Variants in PCDH15 observed in about 807,000 individuals in gnomAD.
PCDH15 encodes the protein protocadherin-15.
PCDH15 carries 129 observed loss-of-function variants against 178.5 expected under a neutral mutation model. That is an observed-to-expected ratio of 0.72 (90% CI 0.63 to 0.84). The LOEUF (loss-of-function observed/expected upper bound fraction) is 0.84, where lower values mean the gene tolerates loss of function less well. Among genes scored for constraint, PCDH15 ranks in the 40% least tolerant of loss-of-function variants. PCDH15 has a pLI of 0.00. For missense variants in PCDH15, 2,230 were observed against 2,099.9 expected, an observed-to-expected ratio of 1.06 and a Z score of -1.21; for synonymous variants, 800 against 732.0, an observed-to-expected ratio of 1.09 and a Z score of -1.50.
chr10:54,895,909 T>A (rs184559799), intron 3 of PCDH15, among the ~76,000 whole-genome samples: 2 of 151,940 alleles, frequency 1.3e-5, no homozygotes, highest in Non-Finnish European at 2.9e-5. Flanking sequence ...TTTTTTGAGA[T>A]GGAGTCTCAC....
intron 2 of PCDH15, among the ~76,000 whole-genome samples, chr10:54,917,165 T>A (rs184570277): frequency 2.3e-4 from 35 of 152,318 alleles, no homozygotes; most frequent in African/African-American, 8.2e-4. Context: ...AGAACATATG[T>A]ATTGTATAAT....
Position 55,064,922 on chromosome 10 carries a change from T to C in PCDH15, c.-80+101654A>G, listed in dbSNP as rs923909510. Among the ~76,000 whole-genome samples, 13 of 152,074 alleles carry C rather than the reference T, an allele frequency of 8.5e-5. No individual in the cohort carries two copies. In the East Asian group the frequency reaches 1.2e-3, roughly 14 times the overall value. ...ACTTTTTAACAGGCTCCCAAATCAT[T>C]ATCACAATAAATAGAATATTTTAAA... On this transcript the variant is annotated intron_variant, in intron 2 of 5. Transcript: ENST00000458638.
Position 54,486,073 on chromosome 10 carries a change from G to A in PCDH15, c.157+41739C>T, listed in dbSNP as rs529970408. On this transcript the variant is annotated intron_variant, in intron 3 of 37. Transcript: ENST00000644397. Reference sequence around the variant, plus strand: ...TTCCATGAGCAGTCAGACTAACCAGGTGTTAGTAATTTGAATCTAAGCAAT... The same window carrying A: ...TTCCATGAGCAGTCAGACTAACCAGATGTTAGTAATTTGAATCTAAGCAAT... Among the ~76,000 whole-genome samples, 5 of 152,110 alleles carry A rather than the reference G, an allele frequency of 3.3e-5. No homozygotes were observed. In the South Asian group the frequency reaches 1.0e-3, roughly 32 times the overall value.
chr10:54,708,590 T>C (rs1474502549), intron 1 of PCDH15, among the ~76,000 whole-genome samples: 1 of 152,230 alleles, frequency 6.6e-6, no homozygotes, highest in South Asian at 2.1e-4. Flanking sequence ...ATGGTTTTAC[T>C]GTTTCTCTTT....
intron 15 of PCDH15, among the ~76,000 whole-genome samples, chr10:54,110,013 C>G (rs1352787563): frequency 2.6e-5 from 4 of 151,876 alleles, no homozygotes; most frequent in African/African-American, 7.3e-5. Context: ...AATACAAGTA[C>G]AAGTGGAATG....
rs71014445 is a variant in PCDH15 at position 55,068,769 on chromosome 10, TTG to T, written c.-80+97805_-80+97806del. ...GTATTCTCTTCACTTTCTTTCATCA[TTG>T]TGTGTGTGTGTGTGCGTGCACGTGT... On this transcript the variant is annotated intron_variant, in intron 2 of 5. Transcript: ENST00000458638. Among the ~76,000 whole-genome samples, 19 of 150,818 alleles carry T rather than the reference TTG, an allele frequency of 1.3e-4. 1 individual carries two copies. In the East Asian group the frequency reaches 1.6e-3, roughly 12 times the overall value.
chr10:53,871,995 A>G (rs894850441), intron 26 of PCDH15, among the ~76,000 whole-genome samples: 3 of 152,296 alleles, frequency 2.0e-5, no homozygotes, highest in African/African-American at 7.2e-5. Flanking sequence ...AAAATATAAA[A>G]TTAGCCAGGC....
intron 3 of PCDH15, among the ~76,000 whole-genome samples, chr10:54,853,708 T>A (rs1591743725): frequency 6.6e-6 from 1 of 151,844 alleles, no homozygotes; most frequent in Non-Finnish European, 1.5e-5. Flanking sequence ...AATAGACAGG[T>A]TTTCTAGAAA....
At chr10:55,526,566 A>C (rs1841305537) in intron 2 of PCDH15, among the ~76,000 whole-genome samples, 1 of 151,946 alleles carries the variant, frequency 6.6e-6, no homozygotes, top group Non-Finnish European at 1.5e-5. Flanking sequence ...ATACAAAATC[A>C]CTGTTATACA....
chr10:55,229,788 AG>A (rs999025846), intron 1 of PCDH15, among the ~76,000 whole-genome samples: 3 of 152,104 alleles, frequency 2.0e-5, no homozygotes, highest in African/African-American at 4.8e-5. Context: ...AGTAGTAGAC[AG>A]CAGAATAAAA....
At chr10:55,199,841 G>C (rs1183845558) in intron 1 of PCDH15, among the ~76,000 whole-genome samples, 1 of 152,158 alleles carries the variant, frequency 6.6e-6, no homozygotes, top group Non-Finnish European at 1.5e-5. Flanking sequence ...CAAGCCCTAA[G>C]CCTTAGTGGC....
intron 13 of PCDH15, among the ~76,000 whole-genome samples, chr10:54,174,702 CTTTTTTT>C (rs1169302544): frequency 4.8e-5 from 4 of 84,054 alleles, no homozygotes; most frequent in Admixed American, 1.7e-4. Flanking sequence ...TTTTTCTTTT[CTTTTTTT>C]TTTTTTTTTT....
intron 1 of PCDH15, among the ~76,000 whole-genome samples, chr10:54,751,493 G>A (rs1383075435): frequency 6.6e-6 from 1 of 152,064 alleles, no homozygotes; most frequent in African/African-American, 2.4e-5. Context: ...GAGTAATCTA[G>A]CACAAAGAGC....
chr10:54,225,718 A>G (rs1462042548), intron 9 of PCDH15, among the ~76,000 whole-genome samples: 10 of 152,022 alleles, frequency 6.6e-5, no homozygotes, highest in Admixed American at 6.5e-4. Context: ...TGATTGATTC[A>G]ATTTACATAT....
At chr10:54,130,669 T>C (rs2042362990) in intron 15 of PCDH15, among the ~76,000 whole-genome samples, 1 of 152,190 alleles carries the variant, frequency 6.6e-6, no homozygotes, top group Non-Finnish European at 1.5e-5. Context: ...GAAACGACTT[T>C]GATCTCCATC....
intron 29 of PCDH15, 23 bp from the exon 30 acceptor site, chr10:53,831,556 A>C: frequency 6.8e-7 from 1 of 1,474,276 alleles, no homozygotes; most frequent in Non-Finnish European, 9.5e-7. Context: ...ATAAATAGTA[A>C]AATTAATGAT....
chr10:54,060,668 A>G (rs1436669362), intron 18 of PCDH15, among the ~76,000 whole-genome samples: 1 of 152,188 alleles, frequency 6.6e-6, no homozygotes, highest in Non-Finnish European at 1.5e-5. Flanking sequence ...TATTTTGGCA[A>G]GTCAAATTTG....
intron 1 of PCDH15, among the ~76,000 whole-genome samples, chr10:55,210,675 C>A (rs2132170080): frequency 8.8e-6 from 1 of 114,006 alleles, no homozygotes; most frequent in South Asian, 3.1e-4. Flanking sequence ...TGTCGCCAGG[C>A]TGGAGTGTAG....
chr10:55,565,326 A>T (rs973551824), intron 2 of PCDH15, among the ~76,000 whole-genome samples: 1 of 151,764 alleles, frequency 6.6e-6, no homozygotes, highest in Non-Finnish European at 1.5e-5. Context: ...AACATGCCAA[A>T]ATTTATGAGA....
Sources: allele counts gnomAD v4.1 joint callset (sites outside exome capture counted in the v4.1 genomes callset), GRCh38; gene constraint gnomAD v4.1.1; transcripts MANE v1.5; gene names NCBI Gene and HGNC (gene_info 2026-07-23, HGNC 2026-07-21).